The following KLF12 variants were observed in gnomAD, a reference collection of about 807,000 sequenced individuals.
KLF12 encodes KLF transcription factor 12.
Under a neutral mutation model 37.8 loss-of-function variants are expected in KLF12, and 9 were observed. The observed-to-expected ratio is 0.24, with a 90% CI of 0.14 to 0.42. The LOEUF (loss-of-function observed/expected upper bound fraction) is 0.42. Ranked by LOEUF, KLF12 falls within the 10% of genes least tolerant of loss-of-function variation. KLF12 has a pLI of 1.00. For synonymous variants in KLF12, 208 were observed against 202.1 expected (o/e 1.03, Z -0.25); for missense variants, 411 against 516.0 (o/e 0.80, Z 1.97).
intron 5 of KLF12, among the ~76,000 whole-genome samples, chr13:73,809,498 C>T (rs2138408587): frequency 1.5e-5 from 1 of 68,056 alleles, no homozygotes; most frequent in Non-Finnish European, 3.0e-5. Context: ...TTTGACTAAA[C>T]CTATGTACAG....
At chr13:74,249,336 T>TCA in the KLF12 span, among the ~76,000 whole-genome samples, 88 of 74,022 alleles carry the variant, frequency 1.2e-3, no homozygotes, top group East Asian at 0.011. Context: ...AGCAGGAGCA[T>TCA]CACACACACA....
At chr13:73,942,384 C>T (rs1022509010) in intron 3 of KLF12, among the ~76,000 whole-genome samples, 29 of 151,886 alleles carry the variant, frequency 1.9e-4, no homozygotes, top group East Asian at 9.6e-4. Flanking sequence ...CTGAATGAGA[C>T]GCCAGGCTCT....
chr13:74,284,572 T>C, the KLF12 span, among the ~76,000 whole-genome samples: 7 of 152,186 alleles, frequency 4.6e-5, no homozygotes, highest in East Asian at 7.7e-4. Flanking sequence ...AGTCTTCCTT[T>C]ATGGAGTAGT....
intron 6 of KLF12, among the ~76,000 whole-genome samples, chr13:73,719,501 AATTT>A (rs1173261681): frequency 6.6e-6 from 1 of 152,008 alleles, no homozygotes; most frequent in African/African-American, 2.4e-5. Flanking sequence ...TTTTATAAGT[AATTT>A]ATTAATTCTT....
rs562995757 is a variant in KLF12, at chr13:73,789,511, T to C, written c.806+23641A>G. Among the ~76,000 whole-genome samples, 14 of 152,164 alleles carry C rather than the reference T, an allele frequency of 9.2e-5. No homozygotes were observed. In the South Asian group the frequency reaches 2.7e-3, roughly 29 times the overall value. ...GTCTGTTCCCACCTAAGCCCTAACC[T>C]GACCCAGGGTAAGACCACGCAAAAT... On this transcript the variant is annotated intron_variant, in intron 5 of 7. Transcript: ENST00000377669.
chr13:74,296,967 T>C, the KLF12 span, among the ~76,000 whole-genome samples: 1 of 152,208 alleles, frequency 6.6e-6, no homozygotes, highest in Non-Finnish European at 1.5e-5. Flanking sequence ...TGATGAGCAG[T>C]TGTGATCCCA....
intron 6 of KLF12, among the ~76,000 whole-genome samples, chr13:73,751,018 C>T (rs1264138018): frequency 6.6e-6 from 1 of 152,082 alleles, no homozygotes; most frequent in East Asian, 1.9e-4. Context: ...AGGAGCAATC[C>T]CATTTGCATT....
chr13:73,788,350 T>C (rs2138247116), intron 5 of KLF12, among the ~76,000 whole-genome samples: 1 of 152,348 alleles, frequency 6.6e-6, no homozygotes, highest in African/African-American at 2.4e-5. Flanking sequence ...AAATGCATCA[T>C]TCCTTTATAA....
At chr13:73,860,776 G>A (rs940512323) in intron 3 of KLF12, among the ~76,000 whole-genome samples, 3 of 151,818 alleles carry the variant, frequency 2.0e-5, no homozygotes, top group South Asian at 2.1e-4. Context: ...AAACTTAAAC[G>A]GTAAATATAT....
the KLF12 span, among the ~76,000 whole-genome samples, chr13:74,235,095 G>C: frequency 6.6e-6 from 1 of 152,172 alleles, no homozygotes; most frequent in Non-Finnish European, 1.5e-5. Context: ...CAGTTTCTGG[G>C]AGTGTTTGTC....
chr13:73,690,590 C>T lies in KLF12; in HGVS notation c.*4900G>A, dbSNP rs553632167. ...TATATTTTAAACCATCCTGGCTAAA[C>T]CATGACAAGTGGCCACTCTATTTTG... On this transcript the variant is annotated 3_prime_UTR_variant, in exon 8 of 8. Transcript: ENST00000377669. 6.6e-6 allele frequency: 1 copy of T among 152,344 alleles called. No individual in the cohort carries two copies. The highest frequency in any genetic ancestry group is 1.9e-4 in the East Asian group (1 of 5,192). The allele number at this position is 152,344 out of a possible 1,614,324, so 9.4% of individuals were successfully genotyped here. A position where few individuals can be genotyped will look rare whatever the true frequency, so the allele number is the denominator to read the frequency against.
intron 1 of KLF12, among the ~76,000 whole-genome samples, chr13:74,098,813 T>C (rs1876132806): frequency 6.6e-6 from 1 of 152,238 alleles, no homozygotes; most frequent in Admixed American, 6.5e-5. Flanking sequence ...CTAGTTTATG[T>C]AGCATTTAAC....
At chr13:73,955,452 G>A (rs1890802113) in intron 2 of KLF12, among the ~76,000 whole-genome samples, 1 of 152,036 alleles carries the variant, frequency 6.6e-6, no homozygotes, top group Admixed American at 6.6e-5. Flanking sequence ...ATGGTAAATG[G>A]CAGCAATGAA....
chr13:73,900,334 AT>A (rs1178306429), intron 3 of KLF12, among the ~76,000 whole-genome samples: 1 of 152,196 alleles, frequency 6.6e-6, no homozygotes. Flanking sequence ...AATACTCAAT[AT>A]ACAAAATCAT....
At chr13:73,955,886 C>T (rs1238926416) in intron 2 of KLF12, among the ~76,000 whole-genome samples, 2 of 152,172 alleles carry the variant, frequency 1.3e-5, no homozygotes, top group African/African-American at 4.8e-5. Context: ...CACCTCTGTG[C>T]CATTACACAT....
chr13:73,865,763 G>A (rs911484269), intron 3 of KLF12, among the ~76,000 whole-genome samples: 1 of 152,074 alleles, frequency 6.6e-6, no homozygotes, highest in African/African-American at 2.4e-5. Flanking sequence ...TAAGAAAATT[G>A]TACTCCAAAA....
At chr13:74,052,696 A>C (rs1160129187) in intron 1 of KLF12, among the ~76,000 whole-genome samples, 1 of 152,176 alleles carries the variant, frequency 6.6e-6, no homozygotes, top group African/African-American at 2.4e-5. Context: ...CATCACGGCC[A>C]TAAGTAAAGA....
At chr13:73,971,594 GGTGGGTA>G (rs1180677828) in intron 2 of KLF12, among the ~76,000 whole-genome samples, 2 of 152,136 alleles carry the variant, frequency 1.3e-5, no homozygotes, top group African/African-American at 4.8e-5. Flanking sequence ...AAAAAAGCAT[GGTGGGTA>G]TTTCTCCTGA....
chr13:73,827,180 T>C (rs1329034415), intron 4 of KLF12, among the ~76,000 whole-genome samples: 4 of 152,352 alleles, frequency 2.6e-5, no homozygotes, highest in Middle Eastern at 3.4e-3. Context: ...ATTTTCTAAA[T>C]GGAGCAGTAT....
Sources: allele counts gnomAD v4.1 joint callset (sites outside exome capture counted in the v4.1 genomes callset), GRCh38; gene constraint gnomAD v4.1.1; transcripts MANE v1.5; gene names NCBI Gene and HGNC (gene_info 2026-07-23, HGNC 2026-07-21).